Variants in GLRA3 observed in about 807,000 individuals in gnomAD.
GLRA3 encodes glycine receptor subunit alpha-3.
A neutral mutation model predicts 60.4 loss-of-function variants in GLRA3; 44 were observed. The ratio of observed to expected loss-of-function variants is 0.73; its 90% confidence interval spans 0.57 to 0.94. The LOEUF (loss-of-function observed/expected upper bound fraction) is 0.94, where lower values mean the gene tolerates loss of function less well. GLRA3 is among the 40% of genes least tolerant of loss of function. The probability of loss-of-function intolerance (pLI) is 0.00; values close to 1 mark genes in which losing one functional copy is unlikely to be tolerated. For synonymous variants in GLRA3, 223 were observed against 192.9 expected, an observed-to-expected ratio of 1.16 and a Z score of -1.29; for missense variants, 508 against 564.6, an observed-to-expected ratio of 0.90 and a Z score of 1.02.
At chr4:174,676,696 G>C (rs958127051) in intron 7 of GLRA3, among the ~76,000 whole-genome samples, 2 of 147,678 alleles carry the variant, frequency 1.4e-5, no homozygotes, top group South Asian at 2.1e-4. Flanking sequence ...GAGTGACTAA[G>C]TAAATTATGG....
intron 4 of GLRA3, among the ~76,000 whole-genome samples, chr4:174,727,045 C>T (rs1561080217): frequency 1.3e-5 from 2 of 152,130 alleles, no homozygotes; most frequent in Admixed American, 6.5e-5. Flanking sequence ...AGTTGTTTCT[C>T]AGAATTCTGA....
chr4:174,768,827 C>G (rs1413967724), intron 2 of GLRA3, among the ~76,000 whole-genome samples: 1 of 152,094 alleles, frequency 6.6e-6, no homozygotes, highest in African/African-American at 2.4e-5. Context: ...ACCTTCAAAA[C>G]ATTTCATTAT....
At chr4:174,783,128 T>C (rs527569590) in intron 2 of GLRA3, among the ~76,000 whole-genome samples, 2,500 of 151,832 alleles carry the variant, frequency 0.016, 79 homozygotes, top group African/African-American at 0.057. Flanking sequence ...GAGATATAGA[T>C]CAATGGAACA....
Position 174,728,656 on chromosome 4 carries a change from G to C in GLRA3, c.310C>G (p.Pro104Ala), listed in dbSNP as rs765420954. ...NIFLRQKWND[P>A]RLAYSEYPDD... The stretch of plus-strand genomic sequence containing the variant: ...GGATATTCACTGTACGCGAGGCGGG[G>C]ATCATTCCATTTCTGACGAAGAAAG... Residue 104 changes from proline (P) to alanine (A), a missense_variant, in exon 4 of 10, where the codon CCC becomes GCC. Physicochemically the swap from Pro to Ala is conservative, Grantham distance 27. Around this residue, in one of 3 missense-constraint regions of GLRA3, gnomAD observed 329 missense variants for 349.3 expected, o/e 0.94. Coordinates refer to ENST00000274093, the MANE Select transcript of GLRA3 (RefSeq NM_006529.4). 6.2e-7 allele frequency: 1 copy of C among 1,609,756 alleles called. No homozygotes were observed. Among genetic ancestry groups the C allele is most frequent in the Admixed American group, 1.7e-5 (1 of 59,978 alleles).
At chr4:174,656,024 T>C (rs906994879) in intron 9 of GLRA3, among the ~76,000 whole-genome samples, 10 of 152,110 alleles carry the variant, frequency 6.6e-5, no homozygotes, top group Non-Finnish European at 1.5e-4. Context: ...GAACTATTTG[T>C]GTGTGACTTC....
intron 2 of GLRA3, among the ~76,000 whole-genome samples, chr4:174,779,042 C>A (rs553035946): frequency 1.6e-3 from 238 of 152,106 alleles, no homozygotes; most frequent in African/African-American, 4.6e-3. Context: ...AAAAAGACAG[C>A]AGTAACTTCT....
chr4:174,715,213 C>A (rs1735868509), intron 5 of GLRA3, among the ~76,000 whole-genome samples: 3 of 152,194 alleles, frequency 2.0e-5, no homozygotes, highest in Admixed American at 2.0e-4. Context: ...TGATTACCAT[C>A]CTTTTCACTT....
chr4:174,686,737 C>T (rs28432255), intron 5 of GLRA3, among the ~76,000 whole-genome samples: 28,159 of 152,060 alleles, frequency 0.19, 2,864 homozygotes, highest in East Asian at 0.34. Flanking sequence ...ATAAAGTATG[C>T]AAAAGAAGGT....
intron 9 of GLRA3, among the ~76,000 whole-genome samples, chr4:174,647,132 G>A (rs192123353): frequency 1.3e-5 from 2 of 152,236 alleles, no homozygotes; most frequent in African/African-American, 4.8e-5. Context: ...GGGGGCTGGG[G>A]GCGGAGGCTC....
intron 1 of GLRA3, among the ~76,000 whole-genome samples, chr4:174,806,731 G>A (rs950456981): frequency 5.3e-5 from 8 of 152,006 alleles, no homozygotes; most frequent in Admixed American, 5.3e-4. Context: ...TTGAACATCA[G>A]TGAATTTTGG....
chr4:174,657,025 T>C (rs960263607), intron 8 of GLRA3, among the ~76,000 whole-genome samples: 6 of 152,184 alleles, frequency 3.9e-5, no homozygotes, highest in Admixed American at 3.9e-4. Context: ...TCCCTGAATA[T>C]ATCAAGTAGT....
intron 7 of GLRA3, among the ~76,000 whole-genome samples, chr4:174,666,670 TG>T (rs1733676442): frequency 6.6e-6 from 1 of 150,472 alleles, no homozygotes; most frequent in African/African-American, 2.4e-5. Context: ...CAAGAAATTA[TG>T]CAGTTTTTCT....
intron 5 of GLRA3, 134 bp from the exon 6 acceptor site, chr4:174,683,073 A>G: frequency 1.5e-6 from 1 of 653,522 alleles, no homozygotes; most frequent in Non-Finnish European, 2.6e-6. Flanking sequence ...GGATGGAGCT[A>G]TTCATTGCCC....
intron 5 of GLRA3, among the ~76,000 whole-genome samples, chr4:174,712,129 T>A (rs991945971): frequency 2.6e-5 from 4 of 152,144 alleles, no homozygotes; most frequent in East Asian, 3.9e-4. Flanking sequence ...TAACTAGGAA[T>A]TTTGTATCAT....
At position 174,659,314 on chromosome 4, in the gene GLRA3, T is replaced by A. The variant is rs2110889418; in HGVS notation, c.928-117A>T. 5.7e-6 allele frequency: 4 copies of A among 697,034 alleles called. No homozygotes were observed. In the South Asian group the frequency reaches 6.9e-5, roughly 12 times the overall value. 43.2% of individuals were successfully genotyped at this position (697,034 alleles called of 1,614,324 possible). On this transcript the variant is annotated intron_variant, in intron 7 of 9. Coordinates refer to ENST00000274093, the MANE Select transcript of GLRA3 (RefSeq NM_006529.4). The stretch of plus-strand genomic sequence containing the variant: ...TCATTTATACATAAGTTTTAAAAAA[T>A]AAAGAAAATGACAATTTTTTCTTGA...
intron 2 of GLRA3, among the ~76,000 whole-genome samples, chr4:174,784,982 A>T (rs1165706751): frequency 1.3e-5 from 2 of 152,262 alleles, no homozygotes; most frequent in East Asian, 3.9e-4. Context: ...TGAGTTAAGC[A>T]CCTAATTATT....
intron 9 of GLRA3, among the ~76,000 whole-genome samples, chr4:174,648,703 G>A (rs576702170): frequency 6.6e-6 from 1 of 152,232 alleles, no homozygotes; most frequent in East Asian, 1.9e-4. Context: ...GAAGGCAGGA[G>A]GGTGTTTTGA....
intron 5 of GLRA3, among the ~76,000 whole-genome samples, chr4:174,711,264 T>G (rs1045920949): frequency 3.3e-5 from 5 of 151,674 alleles, no homozygotes; most frequent in African/African-American, 4.8e-5. Flanking sequence ...GAAAACAAAA[T>G]TTAACAAAGA....
At chr4:174,785,346 A>G (rs1245440679) in intron 2 of GLRA3, among the ~76,000 whole-genome samples, 1 of 152,120 alleles carries the variant, frequency 6.6e-6, no homozygotes, top group Non-Finnish European at 1.5e-5. Flanking sequence ...TTCAAAATAA[A>G]TTTTCTTTCA....
Sources: gnomAD v4.1 joint callset for allele counts (sites outside exome capture counted in the v4.1 genomes callset) on GRCh38, gnomAD v4.1.1 for gene constraint, gnomAD v4.1.1 regional missense constraint, MANE v1.5 for transcripts, NCBI Gene and HGNC (gene_info 2026-07-23, HGNC 2026-07-21) for gene names.